ATRNL1: variants seen among roughly 807,000 people sequenced by gnomAD.
ATRNL1 encodes attractin like 1, also known as attractin-like protein 1.
A neutral mutation model predicts 182.7 loss-of-function variants in ATRNL1; 95 were observed. The ratio of observed to expected loss-of-function variants is 0.52; its 90% CI spans 0.44 to 0.62. The LOEUF is 0.62. Among genes scored for constraint, ATRNL1 ranks in the 20% least tolerant of loss-of-function variants. The probability of loss-of-function intolerance (pLI) is 0.00; values close to 1 mark genes in which losing one functional copy is unlikely to be tolerated. For synonymous variants in ATRNL1, 576 were observed against 568.3 expected, an observed-to-expected ratio of 1.01 and a Z score of -0.19; for missense variants, 1,471 against 1,679.5, an observed-to-expected ratio of 0.88 and a Z score of 2.17.
chr10:115,467,220 A>G lies in ATRNL1; in HGVS notation c.3464A>G (p.Asn1155Ser). The change falls in exon 23 of 29, where the codon AAT becomes AGT. Residue 1155 changes from asparagine (N) to serine (S), a missense_variant. This residue lies in a region of ATRNL1 where 437 missense variants were observed against 506.0 expected (regional missense o/e 0.86). Transcript: ENST00000355044. ...TCAATTAATGCATCAAACAACTTTA[A>G]TCTCAACATTACGTGGTCTGTCGGT... ...DISINASNNF[N>S]LNITWSVGST... The G allele has an allele frequency of 6.2e-7, 1 of 1,605,184 alleles. No homozygotes were observed. The highest frequency in any genetic ancestry group is 8.5e-7 in the Non-Finnish European group (1 of 1,174,564).
chr10:115,265,048 A>G, intron 10 of ATRNL1, 145 bp from the exon 11 acceptor site: 1 of 478,258 alleles, frequency 2.1e-6, no homozygotes. Context: ...ACTAAATTGT[A>G]GGTCATGGAA....
intron 26 of ATRNL1, among the ~76,000 whole-genome samples, chr10:115,559,469 C>G (rs1438327027): frequency 1.3e-5 from 2 of 151,606 alleles, no homozygotes; most frequent in Non-Finnish European, 2.9e-5. Context: ...CGCACATGCG[C>G]AACCCTTCTT....
At chr10:115,870,180 T>C (rs1555105770) in intron 28 of ATRNL1, among the ~76,000 whole-genome samples, 1 of 152,198 alleles carries the variant, frequency 6.6e-6, no homozygotes. Flanking sequence ...AACTGAGGTA[T>C]TTTGAATATC....
chr10:115,520,727 A>C (rs1554984960), intron 25 of ATRNL1, among the ~76,000 whole-genome samples: 1 of 152,116 alleles, frequency 6.6e-6, no homozygotes, highest in African/African-American at 2.4e-5. Flanking sequence ...CATATATAAC[A>C]ATTTCAATTT....
chr10:115,433,145 A>T (rs1327327961), intron 21 of ATRNL1, among the ~76,000 whole-genome samples: 1 of 152,032 alleles, frequency 6.6e-6, no homozygotes, highest in Non-Finnish European at 1.5e-5. Context: ...TCTTTTATTT[A>T]GAGTTCATGG....
rs535690432 is a variant in ATRNL1, at chr10:115,730,253, CAAAAAAAAAAAA to C, written c.3903+2916_3903+2927del. 5.5e-3 allele frequency among the ~76,000 whole-genome samples: 337 copies of C among 61,446 alleles called. 5 individuals are homozygous for C. The highest frequency in any genetic ancestry group is 0.033 in the Middle Eastern group (2 of 60). 40.3% of individuals were successfully genotyped at this position (61,446 alleles called of 152,430 possible). A position where few individuals can be genotyped will look rare whatever the true frequency, so the allele number is the denominator to read the frequency against. ...GCCTGGGCAACAGAGTAGGACTCCT[CAAAAAAAAAAAA>C]AAAAAAAAAAAAAAAAAGAGAGAGA... On this transcript the variant is annotated intron_variant, in intron 27 of 28. Transcript: ENST00000355044.
chr10:115,152,077 C>G (rs1245837855), intron 5 of ATRNL1, among the ~76,000 whole-genome samples: 1 of 152,238 alleles, frequency 6.6e-6, no homozygotes, highest in East Asian at 1.9e-4. Context: ...ATCTATATCT[C>G]TGTTTTGGTA....
intron 28 of ATRNL1, among the ~76,000 whole-genome samples, chr10:115,943,982 G>C (rs1257993137): frequency 6.6e-6 from 1 of 152,064 alleles, no homozygotes; most frequent in Non-Finnish European, 1.5e-5. Flanking sequence ...TCTGGAAAAG[G>C]CTGAACTACA....
intron 20 of ATRNL1, among the ~76,000 whole-genome samples, chr10:115,408,587 T>C (rs1324424016): frequency 2.0e-5 from 3 of 152,230 alleles, no homozygotes; most frequent in Non-Finnish European, 4.4e-5. Context: ...GTTATATTTG[T>C]TAATTTTTGC....
chr10:115,377,762 G>T (rs1857759945), intron 19 of ATRNL1, among the ~76,000 whole-genome samples: 1 of 152,128 alleles, frequency 6.6e-6, no homozygotes, highest in Non-Finnish European at 1.5e-5. Context: ...TGAAATTATG[G>T]TTGAATGGAA....
chr10:115,614,381 G>A (rs1592949644), intron 26 of ATRNL1, among the ~76,000 whole-genome samples: 1 of 152,206 alleles, frequency 6.6e-6, no homozygotes, highest in East Asian at 1.9e-4. Context: ...GATCTAAGAA[G>A]ATATGTGATG....
At chr10:115,806,245 A>T (rs1409889842) in intron 27 of ATRNL1, among the ~76,000 whole-genome samples, 2 of 152,132 alleles carry the variant, frequency 1.3e-5, no homozygotes, top group Non-Finnish European at 2.9e-5. Flanking sequence ...TTAAGGAAAG[A>T]TGTGGATTTT....
rs782018770 is a variant in ATRNL1 at position 115,281,468 on chromosome 10, A to G, written c.2214A>G (p.Gln738=). 10 of 1,613,214 alleles carry G rather than the reference A, an allele frequency of 6.2e-6. No homozygotes were observed. Among genetic ancestry groups the G allele is most frequent in the Non-Finnish European group, 8.5e-6 (10 of 1,179,548 alleles). Residue 738 remains glutamine (Q), a synonymous_variant, in exon 14 of 29, where the codon CAA becomes CAG. Coordinates refer to ENST00000355044, the MANE Select transcript of ATRNL1 (RefSeq NM_207303.4). The stretch of plus-strand genomic sequence containing the variant: ...ATTGCCAGTGGGATCAGAGACAGCA[A>G]GAATGCCAGGCTTTACCAGGTAAAG... ...NLNCQWDQRQ[Q]ECQALPAHLC... is the part of the protein sequence containing the mutation.
Position 115,315,723 on chromosome 10 carries a change from T to C in ATRNL1, c.3024T>C (p.Phe1008=). Residue 1008 remains phenylalanine, a synonymous_variant, in exon 18 of 29, where the codon TTT becomes TTC. Transcript: ENST00000355044. ...CPKEKNYEWS[F]IQCPACQCNG... is the part of the protein sequence containing the mutation. ...AAGAAAAGAACTATGAGTGGTCCTTTATCCAGTGTCCAGGTAATAATAATG... is the reference window on the plus strand; with the variant it reads ...AAGAAAAGAACTATGAGTGGTCCTTCATCCAGTGTCCAGGTAATAATAATG... 6.2e-7 allele frequency: 1 copy of C among 1,612,556 alleles called. No individual in the cohort carries two copies. The highest frequency in any genetic ancestry group is 1.3e-5 in the African/African-American group (1 of 75,008).
chr10:115,223,927 A>ATTTTTT (rs1849582902), intron 9 of ATRNL1, among the ~76,000 whole-genome samples: 2 of 38,166 alleles, frequency 5.2e-5, no homozygotes, highest in African/African-American at 9.6e-5. Context: ...ATATATATAT[A>ATTTTTT]TATTTTTTTT....
chr10:115,354,964 TGATGAA>T, intron 19 of ATRNL1, among the ~76,000 whole-genome samples: 1 of 152,276 alleles, frequency 6.6e-6, no homozygotes, highest in Non-Finnish European at 1.5e-5. Context: ...TGAGAGATTC[TGATGAA>T]TTTTTCAGTC....
intron 24 of ATRNL1, among the ~76,000 whole-genome samples, chr10:115,485,847 A>T (rs900247690): frequency 5.9e-5 from 9 of 151,828 alleles, no homozygotes; most frequent in Admixed American, 3.3e-4. Context: ...GCACCCATCA[A>T]CCTGTTATCT....
intron 26 of ATRNL1, among the ~76,000 whole-genome samples, chr10:115,617,388 T>A (rs1466806118): frequency 2.0e-5 from 3 of 151,450 alleles, no homozygotes; most frequent in Non-Finnish European, 2.9e-5. Flanking sequence ...TTAAACGGAG[T>A]CTTGCTCTGT....
At chr10:115,277,666 A>C (rs1347114238) in intron 13 of ATRNL1, among the ~76,000 whole-genome samples, 1 of 152,078 alleles carries the variant, frequency 6.6e-6, no homozygotes, top group East Asian at 1.9e-4. Flanking sequence ...GCCACAGGAA[A>C]AGCTGAGCCA....
Sources: allele counts gnomAD v4.1 joint callset (sites outside exome capture counted in the v4.1 genomes callset), GRCh38; gene constraint gnomAD v4.1.1; regional missense constraint gnomAD v4.1.1; transcripts MANE v1.5; gene names NCBI Gene and HGNC (gene_info 2026-07-23, HGNC 2026-07-21).